Variants in MTAP observed in about 807,000 individuals in gnomAD.
The protein encoded by MTAP is S-methyl-5'-thioadenosine phosphorylase.
MTAP carries 33 observed loss-of-function variants against 33.6 expected under a neutral mutation model. The ratio of observed to expected loss-of-function variants is 0.98; its 90% CI spans 0.74 to 1.31. The LOEUF (loss-of-function observed/expected upper bound fraction) is 1.31. MTAP is among the 40% of genes most tolerant of loss of function. MTAP has a pLI of 0.00. For missense variants in MTAP, 367 were observed against 360.0 expected, an observed-to-expected ratio of 1.02 and a Z score of -0.16; for synonymous variants, 148 against 125.7, an observed-to-expected ratio of 1.18 and a Z score of -1.19.
intron 1 of MTAP, among the ~76,000 whole-genome samples, chr9:21,894,226 A>T (rs77155878): frequency 4.7e-5 from 7 of 148,706 alleles, no homozygotes; most frequent in Admixed American, 1.3e-4. Flanking sequence ...AAAAAAAAAA[A>T]AAAACTAGGT....
chr9:21,936,386 A>G (rs924622574), exon 8 of MTAP: 1 of 152,240 alleles, frequency 6.6e-6, no homozygotes, highest in African/African-American at 2.4e-5. Flanking sequence ...TGCATATCTC[A>G]CATAGTTCAG....
chr9:21,805,984 G>A (rs1327227760), intron 1 of MTAP, among the ~76,000 whole-genome samples: 3 of 152,222 alleles, frequency 2.0e-5, no homozygotes, highest in Non-Finnish European at 4.4e-5. Context: ...GGTAGGAATG[G>A]AAATCACGGA....
intron 1 of MTAP, among the ~76,000 whole-genome samples, chr9:21,881,284 C>T (rs1387251921): frequency 2.0e-5 from 3 of 151,904 alleles, no homozygotes; most frequent in Non-Finnish European, 4.4e-5. Flanking sequence ...AAACACAAGA[C>T]CAACAACCAT....
At chr9:21,938,088 C>G (rs1266488439), downstream of MTAP, among the ~76,000 whole-genome samples, 1 of 152,062 alleles carries the variant, frequency 6.6e-6, no homozygotes. Context: ...GTCTGGGCAG[C>G]AAGGTGAAAC....
intron 4 of MTAP, 89 bp from the exon 5 acceptor site, chr9:21,837,819 C>T (rs538638962): frequency 2.1e-6 from 2 of 949,738 alleles, no homozygotes; most frequent in South Asian, 3.0e-5. Context: ...AAATATTGAC[C>T]TAGATAAAGT....
At chr9:21,869,890 T>TA (rs1003962480), downstream of MTAP, among the ~76,000 whole-genome samples, 2 of 142,768 alleles carry the variant, frequency 1.4e-5, no homozygotes, top group African/African-American at 5.0e-5. Context: ...TCACTTGTAT[T>TA]AAAATCCCAC....
At chr9:21,831,116 A>G (rs1260768849) in intron 4 of MTAP, among the ~76,000 whole-genome samples, 1 of 152,178 alleles carries the variant, frequency 6.6e-6, no homozygotes, top group East Asian at 1.9e-4. Flanking sequence ...ATTTGTATGT[A>G]TGGCAGAACT....
intron 1 of MTAP, among the ~76,000 whole-genome samples, chr9:21,913,484 A>C (rs569840190): frequency 6.6e-6 from 1 of 151,830 alleles, no homozygotes; most frequent in Admixed American, 6.6e-5. Flanking sequence ...AAACATCTAC[A>C]ACCATCTGAT....
chr9:21,938,312 C>T (rs980493629), downstream of MTAP, among the ~76,000 whole-genome samples: 4 of 151,146 alleles, frequency 2.6e-5, 1 homozygote, highest in South Asian at 8.4e-4. Context: ...TGGTGTCATG[C>T]CTGTAGTCCC....
intron 1 of MTAP, among the ~76,000 whole-genome samples, chr9:21,924,465 T>G (rs1416984792): frequency 1.3e-5 from 2 of 152,246 alleles, no homozygotes; most frequent in Non-Finnish European, 1.5e-5. Flanking sequence ...CTCTATCAGC[T>G]AGATCTGTTT....
chr9:21,845,527 A>T (rs1587240578), intron 5 of MTAP, among the ~76,000 whole-genome samples: 1 of 152,296 alleles, frequency 6.6e-6, no homozygotes, highest in East Asian at 1.9e-4. Context: ...AGATAATACA[A>T]AAAAATGGAA....
intron 1 of MTAP, among the ~76,000 whole-genome samples, chr9:21,906,799 G>A (rs796430195): frequency 3.3e-5 from 5 of 152,300 alleles, no homozygotes; most frequent in Admixed American, 1.3e-4. Flanking sequence ...GTCAGTAGCA[G>A]TAATACAGAT....
intron 4 of MTAP, among the ~76,000 whole-genome samples, chr9:21,828,248 G>A (rs7021653): frequency 0.012 from 1,850 of 152,310 alleles, 31 homozygotes; most frequent in African/African-American, 0.043. Context: ...TCTAATAAGT[G>A]CCTTTTGTGG....
At chr9:21,812,206 C>A in intron 1 of MTAP, 1 of 212,522 alleles carries the variant, frequency 4.7e-6, no homozygotes, top group South Asian at 8.1e-5. Flanking sequence ...TTCTGCAAGT[C>A]AGCATTGAGT....
chr9:21,868,481 C>T (rs910882691), downstream of MTAP, among the ~76,000 whole-genome samples: 37 of 152,320 alleles, frequency 2.4e-4, no homozygotes, highest in African/African-American at 8.2e-4. Context: ...CTGTCATTCT[C>T]TTACAGACAT....
chr9:21,847,527 C>T (rs1825411994), intron 5 of MTAP, among the ~76,000 whole-genome samples: 1 of 152,150 alleles, frequency 6.6e-6, no homozygotes, highest in South Asian at 2.1e-4. Context: ...ATATTTGAGA[C>T]TCCTGATTCA....
chr9:21,824,107 C>G (rs1304985213), intron 4 of MTAP, among the ~76,000 whole-genome samples: 2 of 152,114 alleles, frequency 1.3e-5, no homozygotes, highest in African/African-American at 4.8e-5. Flanking sequence ...CTCAACTCGT[C>G]AGTCATTCTC....
intron 4 of MTAP, among the ~76,000 whole-genome samples, chr9:21,820,456 T>C (rs1380371272): frequency 6.6e-6 from 1 of 152,194 alleles, no homozygotes; most frequent in Admixed American, 6.5e-5. Flanking sequence ...TGCTTGTAGA[T>C]GTGTGGTATT....
intron 5 of MTAP, among the ~76,000 whole-genome samples, chr9:21,841,826 C>A (rs1825254668): frequency 6.6e-6 from 1 of 152,136 alleles, no homozygotes; most frequent in Non-Finnish European, 1.5e-5. Flanking sequence ...ACCAAAATGA[C>A]AAGGAACCAG....
Sources: allele counts gnomAD v4.1 joint callset (sites outside exome capture counted in the v4.1 genomes callset), GRCh38; gene constraint gnomAD v4.1.1; transcripts MANE v1.5; gene names NCBI Gene and HGNC (gene_info 2026-07-23, HGNC 2026-07-21).